The following TULP4 variants were observed in gnomAD, a reference collection of about 807,000 sequenced individuals.
TULP4 encodes tubby-related protein 4.
Under a neutral mutation model 129.0 loss-of-function variants are expected in TULP4, and 16 were observed. That is an observed-to-expected ratio of 0.12 (90% CI 0.08 to 0.19). TULP4 has a LOEUF of 0.19. Among genes scored for constraint, TULP4 ranks in the 10% least tolerant of loss-of-function variants. TULP4 has a pLI of 1.00. For missense variants in TULP4, 1,842 were observed against 2,059.1 expected, an observed-to-expected ratio of 0.89 and a Z score of 2.04; for synonymous variants, 998 against 854.0, an observed-to-expected ratio of 1.17 and a Z score of -2.94.
chr6:158,503,997 C>G lies in TULP4; in HGVS notation c.4334C>G (p.Ala1445Gly). The change falls in exon 13 of 14, where the codon GCC becomes GGC. Residue 1445 changes from alanine to glycine, a missense_variant. Coordinates refer to ENST00000367097, the MANE Select transcript of TULP4 (RefSeq NM_020245.5). The surrounding 1 kb of genome is among the most constrained non-coding windows in gnomAD (Gnocchi z 4.3). ...CGGGCCGCCGGCGAGCTGGAGGAGG[C>G]CAAGTGCCGGCGGGCCAGTGAGAAG... ...SPRAAGELEE[A>G]KCRRASEKED... 6.2e-7 allele frequency: 1 copy of G among 1,612,792 alleles called. No individual in the cohort carries two copies. Among genetic ancestry groups the G allele is most frequent in the Non-Finnish European group, 8.5e-7 (1 of 1,179,506 alleles).
rs990232037 is a variant in TULP4, at chr6:158,426,295, G to C, written c.382-3441G>C. Among the ~76,000 whole-genome samples the C allele has an allele frequency of 2.6e-5, 4 of 152,004 alleles. No homozygotes were observed. In the East Asian group the frequency reaches 5.8e-4, roughly 22 times the overall value. On this transcript the variant is annotated intron_variant, in intron 2 of 13. Transcript: ENST00000367097. ...TTGGTATCTTCATCATGAAATCTTT[G>C]CCCGTTCCTATGTCCAGAATGGTAT...
intron 1 of TULP4, among the ~76,000 whole-genome samples, chr6:158,316,681 T>C (rs537227441): frequency 6.6e-6 from 1 of 152,296 alleles, no homozygotes; most frequent in African/African-American, 2.4e-5. Context: ...ATTTTTAGTC[T>C]CACAGTTCTG....
At chr6:158,296,728 C>T (rs185532725) in intron 1 of TULP4, among the ~76,000 whole-genome samples, 4 of 152,270 alleles carry the variant, frequency 2.6e-5, no homozygotes, top group Admixed American at 2.0e-4. Context: ...TACAGCTGGG[C>T]TGCCGGAGAT....
chr6:158,425,207 GTTAAAA>G (rs999998349), intron 2 of TULP4, among the ~76,000 whole-genome samples: 3 of 127,258 alleles, frequency 2.4e-5, no homozygotes, highest in African/African-American at 5.9e-5. Flanking sequence ...TACTAGAATA[GTTAAAA>G]TTAAAATGAC....
At chr6:158,422,656 A>G (rs1030853247) in intron 2 of TULP4, among the ~76,000 whole-genome samples, 4 of 152,190 alleles carry the variant, frequency 2.6e-5, no homozygotes, top group African/African-American at 9.7e-5. Context: ...GAGGCTCCAA[A>G]GCCGAAAGAG....
chr6:158,328,107 TGTGTGTGTGTGTGTGTGTGTGCGTGC>T (rs1156231727), intron 1 of TULP4, among the ~76,000 whole-genome samples: 87 of 91,664 alleles, frequency 9.5e-4, no homozygotes, highest in Admixed American at 2.3e-3. Flanking sequence ...TGTGTGTGTG[TGTGTGTGTGTGTGTGTGTGTGCGTGC>T]GTGCTGGGAA....
chr6:158,435,042 G>A (rs1475360997), intron 3 of TULP4, among the ~76,000 whole-genome samples: 2 of 152,210 alleles, frequency 1.3e-5, no homozygotes. Flanking sequence ...CTCTTCCCAG[G>A]CTGCGGCTTT....
intron 1 of TULP4, among the ~76,000 whole-genome samples, chr6:158,405,706 C>T (rs918328531): frequency 6.6e-6 from 1 of 152,026 alleles, no homozygotes; most frequent in African/African-American, 2.4e-5. Context: ...GATTATGGTG[C>T]GTCAGGGTAG....
intron 1 of TULP4, among the ~76,000 whole-genome samples, chr6:158,289,862 T>A (rs909656841): frequency 3.3e-5 from 5 of 152,158 alleles, no homozygotes; most frequent in African/African-American, 1.2e-4. Flanking sequence ...ATTGCACATG[T>A]AATCCACCAT....
At chr6:158,316,085 G>A (rs9456287) in intron 1 of TULP4, among the ~76,000 whole-genome samples, 1 of 152,248 alleles carries the variant, frequency 6.6e-6, no homozygotes, top group African/African-American at 2.4e-5. Context: ...TTCACTCAAC[G>A]TGATGTCTGT....
chr6:158,418,124 G>C (rs1307689086), intron 2 of TULP4, among the ~76,000 whole-genome samples: 1 of 149,860 alleles, frequency 6.7e-6, no homozygotes, highest in African/African-American at 2.5e-5. Flanking sequence ...TTTGGGAGCG[G>C]GGGAGACAGG....
At chr6:158,439,476 T>G (rs930155118) in intron 3 of TULP4, among the ~76,000 whole-genome samples, 1 of 151,884 alleles carries the variant, frequency 6.6e-6, no homozygotes, top group African/African-American at 2.4e-5. Flanking sequence ...AGAGCAACTC[T>G]CTCCCTCCAC....
intron 1 of TULP4, among the ~76,000 whole-genome samples, chr6:158,394,306 C>T (rs1251871759): frequency 6.6e-6 from 1 of 152,156 alleles, no homozygotes; most frequent in South Asian, 2.1e-4. Flanking sequence ...AACTGTTGAG[C>T]AAGTCTCTAG....
At chr6:158,316,617 T>G (rs6933038) in intron 1 of TULP4, among the ~76,000 whole-genome samples, 78,081 of 151,954 alleles carry the variant, frequency 0.51, 20,161 homozygotes, top group South Asian at 0.61. Context: ...CAAATTTTTT[T>G]TTTTATTCTT....
intron 1 of TULP4, among the ~76,000 whole-genome samples, chr6:158,274,578 C>G (rs1011730609): frequency 6.6e-6 from 1 of 152,114 alleles, no homozygotes; most frequent in Non-Finnish European, 1.5e-5. Flanking sequence ...AGATCGAGAC[C>G]ATCCTGGCTA....
chr6:158,267,322 A>G (rs1478723874), intron 1 of TULP4, among the ~76,000 whole-genome samples: 1 of 152,234 alleles, frequency 6.6e-6, no homozygotes, highest in African/African-American at 2.4e-5. Context: ...GATAAATCAT[A>G]CTAGAAGATG....
At chr6:158,335,931 C>T (rs1780022073) in intron 1 of TULP4, among the ~76,000 whole-genome samples, 3 of 152,124 alleles carry the variant, frequency 2.0e-5, no homozygotes, top group Non-Finnish European at 2.9e-5. Context: ...GTATGTTGGA[C>T]GTGTATCTTC....
chr6:158,241,898 T>C (rs1777925738), intron 1 of TULP4: 4 of 756,248 alleles, frequency 5.3e-6, no homozygotes, highest in Non-Finnish European at 9.8e-6. Flanking sequence ...AGGCCAGCTT[T>C]GTTAAATTCT....
Position 158,365,899 on chromosome 6 carries a change from C to CTTTTTTTTTTTTT in TULP4, c.253-47157_253-47145dup, listed in dbSNP as rs5881257. On this transcript the variant is annotated intron_variant, in intron 1 of 13. Coordinates refer to ENST00000367097, the MANE Select transcript of TULP4 (RefSeq NM_020245.5). ...TCTTTTTTTTTTTTTCTTTTTCTTT[C>CTTTTTTTTTTTTT]TTTTTTTTTTTTTTTTTTTTTGAGA... 7.0e-5 allele frequency among the ~76,000 whole-genome samples: 4 copies of CTTTTTTTTTTTTT among 57,542 alleles called. 1 individual carries two copies. The highest frequency in any genetic ancestry group is 1.2e-4 in the Non-Finnish European group (4 of 34,274). 37.7% of individuals were successfully genotyped at this position (57,542 alleles called of 152,430 possible). A position where few individuals can be genotyped will look rare whatever the true frequency, so the allele number is the denominator to read the frequency against.
Sources: allele counts gnomAD v4.1 joint callset (sites outside exome capture counted in the v4.1 genomes callset), GRCh38; gene constraint gnomAD v4.1.1; non-coding constraint Gnocchi (gnomAD v3.1); transcripts MANE v1.5; gene names NCBI Gene and HGNC (gene_info 2026-07-23, HGNC 2026-07-21).